Variants in TMEFF2 observed in about 807,000 individuals in gnomAD.
TMEFF2 encodes the protein tomoregulin-2.
Under a neutral mutation model 53.8 loss-of-function variants are expected in TMEFF2, and 28 were observed. That is an observed-to-expected ratio of 0.52 (90% CI 0.39 to 0.71). The LOEUF is 0.71. Ranked by LOEUF, TMEFF2 falls within the 30% of genes least tolerant of loss-of-function variation. TMEFF2 has a pLI of 0.00. For synonymous variants in TMEFF2, 162 were observed against 166.3 expected (o/e 0.97, Z 0.20); for missense variants, 353 against 455.2 (o/e 0.78, Z 2.04).
chr2:192,162,630 A>G (rs150847842), intron 4 of TMEFF2, among the ~76,000 whole-genome samples: 534 of 152,286 alleles, frequency 3.5e-3, no homozygotes, highest in East Asian at 0.011. Context: ...CTACTGGTAC[A>G]GCACTACTCC....
At chr2:192,157,987 T>G (rs1690545892) in intron 4 of TMEFF2, among the ~76,000 whole-genome samples, 1 of 152,074 alleles carries the variant, frequency 6.6e-6, no homozygotes, top group African/African-American at 2.4e-5. Context: ...CTTACCTGTT[T>G]TAGTCTACCA....
intron 4 of TMEFF2, among the ~76,000 whole-genome samples, chr2:192,110,835 TG>T (rs1266675842): frequency 6.6e-6 from 1 of 152,146 alleles, no homozygotes; most frequent in African/African-American, 2.4e-5. Flanking sequence ...AGGGGCCTGG[TG>T]GGAGATAACT....
intron 4 of TMEFF2, among the ~76,000 whole-genome samples, chr2:192,111,779 C>A (rs1053234515): frequency 1.3e-5 from 2 of 152,136 alleles, no homozygotes; most frequent in African/African-American, 2.4e-5. Flanking sequence ...GGGCCCATGG[C>A]CCCCCTGCTA....
At chr2:192,057,425 A>C (rs1687937096) in intron 5 of TMEFF2, among the ~76,000 whole-genome samples, 1 of 152,082 alleles carries the variant, frequency 6.6e-6, no homozygotes, top group Non-Finnish European at 1.5e-5. Context: ...TCTATATCCT[A>C]ACATTGACAG....
chr2:192,075,513 C>T (rs2105920609), intron 4 of TMEFF2, among the ~76,000 whole-genome samples: 1 of 150,908 alleles, frequency 6.6e-6, no homozygotes, highest in South Asian at 2.1e-4. Flanking sequence ...AAAGAATTAC[C>T]TTCCCAACTG....
intron 5 of TMEFF2, among the ~76,000 whole-genome samples, chr2:192,049,791 G>T (rs1263642391): frequency 6.6e-6 from 1 of 152,160 alleles, no homozygotes; most frequent in Non-Finnish European, 1.5e-5. Flanking sequence ...CACAAGGTCA[G>T]GAGATTGAGA....
intron 4 of TMEFF2, among the ~76,000 whole-genome samples, chr2:192,099,687 A>G (rs183741938): frequency 1.3e-5 from 2 of 152,242 alleles, no homozygotes; most frequent in Admixed American, 1.3e-4. Flanking sequence ...ACAACTATCA[A>G]ATTAATTATT....
intron 4 of TMEFF2, among the ~76,000 whole-genome samples, chr2:192,061,799 G>A (rs1006833403): frequency 6.6e-6 from 1 of 152,078 alleles, no homozygotes; most frequent in Non-Finnish European, 1.5e-5. Context: ...TAGTTCACAT[G>A]AGATCTGCTT....
In TMEFF2 at chr2:192,182,663, G is replaced by C. The variant is rs1375905658; in HGVS notation, c.412+1691C>G. On this transcript the variant is annotated intron_variant, in intron 3 of 9. Coordinates refer to ENST00000272771, the MANE Select transcript of TMEFF2 (RefSeq NM_016192.4). ...TGGCCATAACCGTAACTTCTGGTCT[G>C]TTTATTATAACAATTGCCTGGCAAT... Among the ~76,000 whole-genome samples, 7 of 152,012 alleles carry C rather than the reference G, an allele frequency of 4.6e-5. No individual in the cohort carries two copies. In the South Asian group the frequency reaches 1.5e-3, roughly 32 times the overall value.
chr2:191,954,339 A>G (rs1014556164), intron 8 of TMEFF2, among the ~76,000 whole-genome samples: 3 of 152,052 alleles, frequency 2.0e-5, no homozygotes, highest in Non-Finnish European at 2.9e-5. Context: ...GTTATCAGAT[A>G]TGTGGTTTCC....
rs543368194 is a variant in TMEFF2 at position 192,083,452 on chromosome 2, A to T, written c.440-25677T>A. 2.8e-4 allele frequency among the ~76,000 whole-genome samples: 42 copies of T among 152,238 alleles called. 1 individual carries two copies. In the Middle Eastern group the frequency reaches 0.014, roughly 49 times the overall value. On this transcript the variant is annotated intron_variant, in intron 4 of 9. Transcript: ENST00000272771. ...CAATATGGACAGTAAGTCTATTGGGACTTACTGGAAGGGGAATGCAGATGT... is the reference window on the plus strand; with the variant it reads ...CAATATGGACAGTAAGTCTATTGGGTCTTACTGGAAGGGGAATGCAGATGT...
At chr2:192,056,476 T>A (rs1182009405) in intron 5 of TMEFF2, among the ~76,000 whole-genome samples, 1 of 152,114 alleles carries the variant, frequency 6.6e-6, no homozygotes, top group Non-Finnish European at 1.5e-5. Context: ...CTTTTCATTA[T>A]CATGACACAA....
At chr2:191,960,961 AC>A (rs1692253315) in intron 7 of TMEFF2, among the ~76,000 whole-genome samples, 1 of 152,204 alleles carries the variant, frequency 6.6e-6, no homozygotes, top group African/African-American at 2.4e-5. Flanking sequence ...TCTGAAAGTA[AC>A]ATTTATTTCT....
At chr2:192,165,398 TA>T (rs891911078) in intron 4 of TMEFF2, among the ~76,000 whole-genome samples, 24 of 152,114 alleles carry the variant, frequency 1.6e-4, no homozygotes, top group African/African-American at 5.1e-4. Context: ...AGCAAGTACT[TA>T]ACATATGGCT....
At chr2:192,111,822 C>T (rs554900318) in intron 4 of TMEFF2, among the ~76,000 whole-genome samples, 1 of 152,304 alleles carries the variant, frequency 6.6e-6, no homozygotes, top group African/African-American at 2.4e-5. Context: ...CTCTGTGTCC[C>T]AGCAACTCTA....
In TMEFF2 at chr2:191,964,315, C is replaced by CTTTCTTT. The variant is rs1559063225; in HGVS notation, c.746-7938_746-7937insAAAGAAA. Reference sequence around the variant, plus strand: ...TCTTTCCTTCTTTCCTTCTTTCTTTCCTTCCTTCCTTTCTTTCCTTCTTTC... The same window carrying CTTTCTTT: ...TCTTTCCTTCTTTCCTTCTTTCTTTCTTTCTTTCTTCCTTCCTTTCTTTCCTTCTTTC... On this transcript the variant is annotated intron_variant, in intron 7 of 9. Transcript: ENST00000272771. Among the ~76,000 whole-genome samples the CTTTCTTT allele has an allele frequency of 6.8e-5, 9 of 133,154 alleles. 1 individual carries two copies. The highest frequency in any genetic ancestry group is 2.8e-4 in the African/African-American group (9 of 32,288). The allele number at this position is 133,154 out of a possible 152,430, so 87.4% of individuals were successfully genotyped here.
chr2:192,111,898 T>C (rs897028539), intron 4 of TMEFF2, among the ~76,000 whole-genome samples: 2 of 152,212 alleles, frequency 1.3e-5, no homozygotes, highest in African/African-American at 4.8e-5. Flanking sequence ...GCCCCAAGCC[T>C]TGGCAGTTTC....
chr2:192,064,975 A>G (rs368078380), intron 4 of TMEFF2, among the ~76,000 whole-genome samples: 3 of 151,988 alleles, frequency 2.0e-5, no homozygotes, highest in African/African-American at 7.2e-5. Context: ...ATGAAAGCTG[A>G]CTAATAAAAT....
At chr2:191,995,139 G>A (rs1445090928) in intron 7 of TMEFF2, among the ~76,000 whole-genome samples, 2 of 151,938 alleles carry the variant, frequency 1.3e-5, no homozygotes, top group African/African-American at 2.4e-5. Flanking sequence ...TTTATTGCAC[G>A]TTTTGGTAAT....
Sources: allele counts gnomAD v4.1 joint callset (sites outside exome capture counted in the v4.1 genomes callset), GRCh38; gene constraint gnomAD v4.1.1; transcripts MANE v1.5; gene names NCBI Gene and HGNC (gene_info 2026-07-23, HGNC 2026-07-21).